Variants in CCDC180 observed in about 807,000 individuals in gnomAD.
CCDC180 encodes coiled-coil domain containing 180.
In CCDC180, 154 loss-of-function variants were observed where a neutral mutation model predicts 209.2. The ratio of observed to expected loss-of-function variants is 0.74; its 90% CI spans 0.65 to 0.84. CCDC180 has a LOEUF of 0.84. Among genes scored for constraint, CCDC180 ranks in the 40% least tolerant of loss-of-function variants. CCDC180 has a pLI of 0.00. For synonymous variants in CCDC180, 778 were observed against 749.1 expected, an observed-to-expected ratio of 1.04 and a Z score of -0.63; for missense variants, 1,874 against 1,997.3, an observed-to-expected ratio of 0.94 and a Z score of 1.18.
chr9:97,374,806 A>T (rs3747491), intron 35 of CCDC180, among the ~76,000 whole-genome samples, 158 bp downstream of exon 35: 1 of 152,088 alleles, frequency 6.6e-6, no homozygotes. Flanking sequence ...GAGCATGGCC[A>T]CTTACCTTGA....
chr9:97,362,753 T>A (rs1248747829), intron 28 of CCDC180, among the ~76,000 whole-genome samples: 1 of 152,118 alleles, frequency 6.6e-6, no homozygotes, highest in Non-Finnish European at 1.5e-5. Flanking sequence ...CCACCAAGCC[T>A]CAGTGGGGTT....
At chr9:97,364,455 CT>C in intron 29 of CCDC180, 2 of 296,384 alleles carry the variant, frequency 6.7e-6, no homozygotes, top group South Asian at 6.9e-5. Context: ...TTTATTGTAA[CT>C]CCAGTGATTA....
chr9:97,325,298 T>C, intron 14 of CCDC180, 106 bp downstream of exon 14: 1 of 1,220,390 alleles, frequency 8.2e-7, no homozygotes, highest in Non-Finnish European at 1.1e-6. Flanking sequence ...TTTGTGCAGA[T>C]GGGGACATTG....
chr9:97,374,780 T>C (rs1407684855), intron 35 of CCDC180, 132 bp downstream of exon 35: 1 of 675,676 alleles, frequency 1.5e-6, no homozygotes, highest in Admixed American at 2.8e-5. Flanking sequence ...AGCCTTAGTT[T>C]CCTCATCTAT....
At chr9:97,365,908 A>C (rs1826907954) in intron 30 of CCDC180, among the ~76,000 whole-genome samples, 169 bp downstream of exon 30, 1 of 152,170 alleles carries the variant, frequency 6.6e-6, no homozygotes, top group African/African-American at 2.4e-5. Context: ...TTCTTTGAGA[A>C]ACCAAACCTC....
Position 97,364,125 on chromosome 9 carries a change from C to T in CCDC180, c.3977C>T (p.Ala1326Val), listed in dbSNP as rs750118991. The change falls in exon 29 of 37, where the codon GCC (alanine) becomes GTC (valine). Residue 1326 changes from alanine to valine, a missense_variant. Ala to Val is a moderately conservative substitution (Grantham distance 64). Coordinates refer to ENST00000529487, the MANE Select transcript of CCDC180 (RefSeq NM_020893.6). ...CTTGGGGACAAGCCTCCCCCTGCTGCCGAGTGAGTAACAACGCCTTTCCTT... is the reference window on the plus strand; with the variant it reads ...CTTGGGGACAAGCCTCCCCCTGCTGTCGAGTGAGTAACAACGCCTTTCCTT... ...RVLGDKPPPA[A>V]EDFKGIILTL... The T allele has an allele frequency of 1.9e-6, 3 of 1,613,860 alleles. No homozygotes were observed. In the African/African-American group the frequency reaches 4.0e-5, roughly 22 times the overall value.
intron 34 of CCDC180, 56 bp from the exon 35 acceptor site, chr9:97,374,487 C>T (rs1827186628): frequency 7.3e-7 from 1 of 1,370,358 alleles, no homozygotes; most frequent in African/African-American, 1.4e-5. Context: ...AGGGGAAATC[C>T]CTCGATCTCA....
chr9:97,333,036 T>C (rs1825796348), intron 18 of CCDC180, among the ~76,000 whole-genome samples: 1 of 152,216 alleles, frequency 6.6e-6, no homozygotes. Context: ...TTGAAGTATG[T>C]TCTTTCAATG....
intron 25 of CCDC180, chr9:97,357,972 G>T (rs1386617961): frequency 2.6e-6 from 1 of 383,410 alleles, no homozygotes; most frequent in Non-Finnish European, 4.6e-6. Flanking sequence ...AGTGTTGGGG[G>T]AGGCCTGAGT....
chr9:97,314,760 C>T (rs756642515), intron 7 of CCDC180, 32 bp downstream of exon 7: 1 of 1,606,878 alleles, frequency 6.2e-7, no homozygotes, highest in Non-Finnish European at 8.5e-7. Context: ...TGTGTGGTGA[C>T]TGTCACTTGC....
chr9:97,359,907 C>T (rs536972623), intron 25 of CCDC180, 75 bp from the exon 26 acceptor site: 42 of 1,576,918 alleles, frequency 2.7e-5, no homozygotes, highest in African/African-American at 6.7e-5. Flanking sequence ...CCCCTGTTCC[C>T]GCACTTCCCA....
intron 18 of CCDC180, among the ~76,000 whole-genome samples, chr9:97,333,855 CTG>C (rs1189059314): frequency 3.3e-5 from 5 of 151,152 alleles, no homozygotes; most frequent in African/African-American, 1.2e-4. Flanking sequence ...GAGTCTCACT[CTG>C]TCACTCAGGC....
intron 36 of CCDC180, 178 bp from the exon 37 acceptor site, chr9:97,376,585 G>A (rs758575210): frequency 2.5e-5 from 15 of 609,200 alleles, no homozygotes; most frequent in Non-Finnish European, 3.9e-5. Flanking sequence ...TTCCTGTCTT[G>A]TAAAATGGGG....
Position 97,366,444 on chromosome 9 carries a change from G to T in CCDC180, c.4048-115G>T. 3 of 1,072,074 alleles carry T rather than the reference G, an allele frequency of 2.8e-6. No individual in the cohort carries two copies. The highest frequency in any genetic ancestry group is 1.6e-5 in the South Asian group (1 of 62,596). 66.4% of individuals were successfully genotyped at this position (1,072,074 alleles called of 1,614,324 possible). A position where few individuals can be genotyped will look rare whatever the true frequency, so the allele number is the denominator to read the frequency against. On this transcript the variant is annotated intron_variant, in intron 30 of 36. Coordinates refer to ENST00000529487, the MANE Select transcript of CCDC180 (RefSeq NM_020893.6). The surrounding 1 kb of genome is among the most constrained non-coding windows in gnomAD (Gnocchi z 4.3). ...GTCTGCTCGTGTCACTTCCACAGGG[G>T]ATGCCACGAGCAAAGGCTAGGGAGT...
At chr9:97,347,726 G>T (rs1042285687) in intron 20 of CCDC180, 2 of 480,848 alleles carry the variant, frequency 4.2e-6, no homozygotes, top group Non-Finnish European at 7.4e-6. Context: ...TTTCAAGAGG[G>T]TGTTATAGTT....
chr9:97,370,546 A>G (rs1172969095), intron 32 of CCDC180, 95 bp from the exon 33 acceptor site: 26 of 1,401,984 alleles, frequency 1.9e-5, no homozygotes, highest in Non-Finnish European at 2.5e-5. Context: ...GTCAGAGGAC[A>G]TGAGTCTGGC....
intron 18 of CCDC180, among the ~76,000 whole-genome samples, chr9:97,339,341 A>C (rs1826005984): frequency 6.6e-6 from 1 of 152,152 alleles, no homozygotes; most frequent in Non-Finnish European, 1.5e-5. Context: ...GAGCTCTTGT[A>C]AGGCAGGCCT....
Position 97,357,660 on chromosome 9 carries a change from A to C in CCDC180, c.3298A>C (p.Asn1100His), listed in dbSNP as rs1166939375. The change falls in exon 25 of 37, where the codon AAT becomes CAT. Residue 1100 changes from asparagine (N) to histidine (H), a missense_variant. Coordinates refer to ENST00000529487, the MANE Select transcript of CCDC180 (RefSeq NM_020893.6). ...ATCCAATTCGCAAACAAATGGATTA[A>C]ATTTCTCTCTGCAACAGCTTCAGAA... is the stretch of plus-strand genomic sequence containing the variant. ...AKSNSQTNGL[N>H]FSLQQLQNKI... The C allele has an allele frequency of 6.2e-7, 1 of 1,613,416 alleles. No individual in the cohort carries two copies. The highest frequency in any genetic ancestry group is 1.3e-5 in the African/African-American group (1 of 74,918).
Position 97,325,006 on chromosome 9 carries a change from T to C in CCDC180, c.1372-13T>C, listed in dbSNP as rs1051861455. ...CAGCCCTTAAGTCCCTTCTCTGGGC[T>C]CTGCCACTGCAGAAATCCTTCGAGA... On this transcript the variant is annotated splice_polypyrimidine_tract_variant and intron_variant, in intron 13 of 36. Transcript: ENST00000529487. 31 of 1,611,400 alleles carry C rather than the reference T, an allele frequency of 1.9e-5. No individual in the cohort carries two copies. The highest frequency in any genetic ancestry group is 2.6e-5 in the Non-Finnish European group (31 of 1,178,756).
Sources: gnomAD v4.1 joint callset for allele counts (sites outside exome capture counted in the v4.1 genomes callset) on GRCh38, gnomAD v4.1.1 for gene constraint, Gnocchi (gnomAD v3.1) non-coding constraint, MANE v1.5 for transcripts, NCBI Gene and HGNC (gene_info 2026-07-23, HGNC 2026-07-21) for gene names.